The following MAGED1 variants were observed in gnomAD, a reference collection of about 807,000 sequenced individuals.
The protein encoded by MAGED1 is MAGE family member D1, also known as melanoma-associated antigen D1.
In MAGED1, 3 loss-of-function variants were observed where a neutral mutation model predicts 54.1. The ratio of observed to expected loss-of-function variants is 0.06; its 90% CI spans 0.03 to 0.14. The LOEUF is 0.14. Among genes scored for constraint, MAGED1 ranks in the 10% least tolerant of loss-of-function variants. MAGED1 has a pLI of 1.00. For missense variants in MAGED1, 485 were observed against 623.4 expected (o/e 0.78, Z 2.36); for synonymous variants, 217 against 227.3 (o/e 0.95, Z 0.41).
intron 1 of MAGED1, among the ~76,000 whole-genome samples, chrX:51,833,341 T>A (rs1926135757): frequency 9.1e-6 from 1 of 110,090 alleles, no homozygotes; most frequent in Non-Finnish European, 1.9e-5. Context: ...CCCACACACA[T>A]ACATTTAGTT....
upstream of MAGED1, among the ~76,000 whole-genome samples, chrX:51,892,859 G>T (rs376646154): frequency 9.0e-6 from 1 of 110,977 alleles, no homozygotes; most frequent in South Asian, 3.8e-4. Context: ...ATGTATCTGT[G>T]CCTCAGCTTC....
At chrX:51,832,640 A>G (rs1926110028) in intron 1 of MAGED1, among the ~76,000 whole-genome samples, 1 of 111,705 alleles carries the variant, frequency 9.0e-6, no homozygotes. Context: ...TAGACAAGAA[A>G]GATTGGAAAC....
intron 1 of MAGED1, among the ~76,000 whole-genome samples, chrX:51,887,512 G>A (rs1557362911): frequency 9.0e-6 from 1 of 111,477 alleles, no homozygotes; most frequent in Non-Finnish European, 1.9e-5. Flanking sequence ...ATAGAACAGA[G>A]AACTCAGAAA....
chrX:51,804,404 C>T (rs1924959518), intron 1 of MAGED1, among the ~76,000 whole-genome samples: 1 of 111,844 alleles, frequency 8.9e-6, no homozygotes, highest in South Asian at 3.7e-4. Flanking sequence ...TTTTGTGACA[C>T]CAAAACACTT....
intron 1 of MAGED1, 80 bp from the exon 2 acceptor site, chrX:51,894,185 ACAGT>A (rs1358390305): frequency 5.7e-6 from 3 of 530,134 alleles, no homozygotes; most frequent in Non-Finnish European, 6.6e-6. Flanking sequence ...ATCCGCCCGC[ACAGT>A]CAGACCACAG....
intron 1 of MAGED1, among the ~76,000 whole-genome samples, chrX:51,816,766 G>A (rs1175103981): frequency 2.7e-5 from 3 of 110,731 alleles, no homozygotes; most frequent in African/African-American, 9.9e-5. Context: ...AGAGGCAGAG[G>A]AAACAAACAG....
chrX:51,837,410 T>C lies in MAGED1; in HGVS notation c.-37+34293T>C, dbSNP rs1569555619. On this transcript the variant is annotated intron_variant, in intron 1 of 12. Coordinates refer to the MAGED1 transcript ENST00000375772. ...TTCCTCTTACTTCCTCCCACACCTC[T>C]GGATAGGGCCTTCAGTATAATGAAT... is the stretch of plus-strand genomic sequence containing the variant. 3.6e-5 allele frequency among the ~76,000 whole-genome samples: 4 copies of C among 111,971 alleles called. No homozygotes were observed. The South Asian group carries it at 1.5e-3, about 42-fold the overall frequency.
chrX:51,809,620 T>G (rs947082139), intron 1 of MAGED1, among the ~76,000 whole-genome samples: 1 of 111,619 alleles, frequency 9.0e-6, no homozygotes, highest in Non-Finnish European at 1.9e-5. Flanking sequence ...AGAGAAAGAC[T>G]CATTTTAGGC....
chrX:51,867,826 A>C (rs1260901311), intron 1 of MAGED1, among the ~76,000 whole-genome samples: 1 of 112,221 alleles, frequency 8.9e-6, no homozygotes, highest in Non-Finnish European at 1.9e-5. Context: ...CCACTTAGAA[A>C]CATGAGAAGT....
Position 51,896,945 on chromosome X carries a change from C to T in MAGED1, c.1290C>T (p.Pro430=), listed in dbSNP as rs184387756. 34 of 1,208,314 alleles carry T rather than the reference C, an allele frequency of 2.8e-5. No individual in the cohort carries two copies. In the South Asian group the frequency reaches 2.8e-4, roughly 10 times the overall value. ...GGCCACTACCACCTGACTGGATCCC[C>T]GCTGATTGGCCAATTCCACCTGACT... ...TDWPLPPDWI[P]ADWPIPPDWQ... Residue 430 remains proline, a synonymous_variant, in exon 4 of 13, where the codon CCC becomes CCT. Transcript: ENST00000326587.
chrX:51,852,459 A>G lies in MAGED1; in HGVS notation c.-36-41810A>G, dbSNP rs1926932659. On this transcript the variant is annotated intron_variant, in intron 1 of 12. Transcript: ENST00000375772. ...CCAAGTAAAATACCTAATTAGAATTACACATCTCTTTTGTAGGTTATTTTC... is the reference window on the plus strand; with the variant it reads ...CCAAGTAAAATACCTAATTAGAATTGCACATCTCTTTTGTAGGTTATTTTC... 2.7e-5 allele frequency among the ~76,000 whole-genome samples: 3 copies of G among 112,236 alleles called. No homozygotes were observed. The South Asian group carries it at 1.1e-3, about 42-fold the overall frequency.
intron 1 of MAGED1, among the ~76,000 whole-genome samples, chrX:51,865,810 G>T (rs1193270555): frequency 1.8e-5 from 2 of 111,714 alleles, no homozygotes; most frequent in South Asian, 3.8e-4. Context: ...CCTGGTGGGA[G>T]GTAATTGGAT....
intron 1 of MAGED1, among the ~76,000 whole-genome samples, chrX:51,870,971 C>T (rs1184374026): frequency 8.9e-6 from 1 of 112,379 alleles, no homozygotes; most frequent in East Asian, 2.8e-4. Context: ...ACTAAATCTC[C>T]TCTCCAGTGC....
intron 1 of MAGED1, among the ~76,000 whole-genome samples, chrX:51,859,135 T>A (rs1450736855): frequency 9.2e-6 from 1 of 108,952 alleles, no homozygotes; most frequent in African/African-American, 3.3e-5. Context: ...CCTTGCTCAT[T>A]TTTTTTTTAG....
intron 1 of MAGED1, among the ~76,000 whole-genome samples, chrX:51,864,404 G>A (rs137856899): frequency 0.023 from 2,584 of 111,587 alleles, 38 homozygotes; most frequent in Non-Finnish European, 0.039. Flanking sequence ...TTTTATGCCA[G>A]TACCATGTTG....
At position 51,895,145 on chromosome X, in the gene MAGED1, C is replaced by CGCA; in HGVS notation, c.141_143dup (p.Ala49dup). ...AGGCTCCACCTACTAACCAGGCCACCGCAGCTGCTAGTCCCCAGAGTTCAC... is the reference window on the plus strand; with the variant it reads ...AGGCTCCACCTACTAACCAGGCCACCGCAGCAGCTGCTAGTCCCCAGAGTTCAC... On this transcript the variant is annotated inframe_insertion, in exon 3 of 13. Coordinates refer to ENST00000326587, the MANE Select transcript of MAGED1 (RefSeq NM_006986.4). The CGCA allele has an allele frequency of 8.3e-7, 1 of 1,211,834 alleles. No homozygotes were observed. The highest frequency in any genetic ancestry group is 3.0e-5 in the East Asian group (1 of 33,824).
chrX:51,890,027 C>T (rs1330077771), upstream of MAGED1, among the ~76,000 whole-genome samples: 1 of 112,198 alleles, frequency 8.9e-6, no homozygotes, highest in Non-Finnish European at 1.9e-5. Flanking sequence ...TGGCCTTGGC[C>T]CACACTGGAT....
chrX:51,873,667 C>A lies in MAGED1; in HGVS notation c.-36-20602C>A, dbSNP rs782260373. ...GTTGCTTAAAATAATTAGGGGATAT[C>A]TTTTCCTTACCTGAAACAAGCCCAG... On this transcript the variant is annotated intron_variant, in intron 1 of 12. Coordinates refer to the MAGED1 transcript ENST00000375772. Among the ~76,000 whole-genome samples, 5 of 110,487 alleles carry A rather than the reference C, an allele frequency of 4.5e-5. No individual in the cohort carries two copies. The East Asian group carries it at 8.5e-4, about 19-fold the overall frequency.
Position 51,894,272 on chromosome X carries a change from C to G in MAGED1, c.-33C>G. 8.5e-7 allele frequency: 1 copy of G among 1,173,145 alleles called. No individual in the cohort carries two copies. The highest frequency in any genetic ancestry group is 1.1e-6 in the Non-Finnish European group (1 of 869,651). The stretch of plus-strand genomic sequence containing the variant: ...ACGCCCTGCCCCTCTCCCACAGCCC[C>G]CAGGCTCCGCTCTTGCCAGAGGGAC... On this transcript the variant is annotated 5_prime_UTR_variant, in exon 2 of 13. Coordinates refer to ENST00000326587, the MANE Select transcript of MAGED1 (RefSeq NM_006986.4).
Sources: allele counts gnomAD v4.1 joint callset (sites outside exome capture counted in the v4.1 genomes callset), GRCh38; gene constraint gnomAD v4.1.1; transcripts MANE v1.5; gene names NCBI Gene and HGNC (gene_info 2026-07-23, HGNC 2026-07-21).